The following SPOCK3 variants were observed in gnomAD, a reference collection of about 807,000 sequenced individuals.
SPOCK3 encodes testican-3.
A neutral mutation model predicts 56.6 loss-of-function variants in SPOCK3; 30 were observed. That is an observed-to-expected ratio of 0.53 (90% CI 0.40 to 0.72). SPOCK3 has a LOEUF of 0.72. Among genes scored for constraint, SPOCK3 ranks in the 30% least tolerant of loss-of-function variants. The pLI is 0.00. For missense variants in SPOCK3, 527 were observed against 530.0 expected (o/e 0.99, Z 0.06); for synonymous variants, 196 against 183.3 (o/e 1.07, Z -0.56).
At chr4:167,156,702 C>G (rs1184606126) in intron 2 of SPOCK3, among the ~76,000 whole-genome samples, 1 of 152,104 alleles carries the variant, frequency 6.6e-6, no homozygotes, top group Non-Finnish European at 1.5e-5. Context: ...TTATGTAAAA[C>G]AGCCTCTTCA....
chr4:166,989,736 T>C (rs575639813), intron 4 of SPOCK3, among the ~76,000 whole-genome samples: 5 of 152,144 alleles, frequency 3.3e-5, no homozygotes, highest in Non-Finnish European at 7.4e-5. Context: ...GTTTTTTTGG[T>C]AGTAAATTTC....
Position 166,869,690 on chromosome 4 carries a change from A to G in SPOCK3, c.589+19440T>C, listed in dbSNP as rs1416896467. On this transcript the variant is annotated intron_variant, in intron 6 of 10. Transcript: ENST00000357545. ...ACCTCCAACATGTAAGGAGCTTCAA[A>G]GTCATTCCCATACTTATACTAAGAA... 4.0e-5 allele frequency among the ~76,000 whole-genome samples: 6 copies of G among 151,640 alleles called. No homozygotes were observed. The South Asian group carries it at 1.2e-3, about 32-fold the overall frequency.
intron 2 of SPOCK3, among the ~76,000 whole-genome samples, chr4:167,213,214 T>A (rs1735046200): frequency 6.6e-6 from 1 of 152,236 alleles, no homozygotes; most frequent in African/African-American, 2.4e-5. Context: ...AAAATCAACT[T>A]AATGTTTTAT....
chr4:166,802,163 T>C (rs1325047935), intron 6 of SPOCK3, among the ~76,000 whole-genome samples: 1 of 151,762 alleles, frequency 6.6e-6, no homozygotes, highest in Non-Finnish European at 1.5e-5. Flanking sequence ...TAAGCAAACA[T>C]TTTCTGCCTA....
intron 2 of SPOCK3, among the ~76,000 whole-genome samples, chr4:167,104,198 A>C (rs957576864): frequency 1.3e-5 from 2 of 152,194 alleles, no homozygotes; most frequent in Non-Finnish European, 2.9e-5. Flanking sequence ...ACAGCCATCA[A>C]GACCATCCAG....
At chr4:166,840,965 C>G (rs2124453) in intron 6 of SPOCK3, among the ~76,000 whole-genome samples, 3 of 151,048 alleles carry the variant, frequency 2.0e-5, no homozygotes, top group Middle Eastern at 3.2e-3. Context: ...TTTTTCGTAG[C>G]GACGGGGTTT....
At chr4:166,880,358 C>G (rs1560966325) in intron 6 of SPOCK3, among the ~76,000 whole-genome samples, 1 of 152,270 alleles carries the variant, frequency 6.6e-6, no homozygotes, top group East Asian at 1.9e-4. Flanking sequence ...AAGTCCTCCA[C>G]AGATTCTTCT....
At chr4:167,065,051 A>AAAG (rs1554029896) in intron 2 of SPOCK3, among the ~76,000 whole-genome samples, 1 of 150,354 alleles carries the variant, frequency 6.7e-6, no homozygotes, top group Non-Finnish European at 1.5e-5. Flanking sequence ...AAAAAAAAAA[A>AAAG]AAAAAAAAAG....
chr4:166,809,000 G>C (rs1743483261), intron 6 of SPOCK3, among the ~76,000 whole-genome samples: 1 of 151,952 alleles, frequency 6.6e-6, no homozygotes, highest in Admixed American at 6.6e-5. Context: ...ATATAAATTT[G>C]CTTCTTACAC....
At chr4:167,030,093 C>CAATT (rs1752120199) in intron 3 of SPOCK3, among the ~76,000 whole-genome samples, 1 of 148,826 alleles carries the variant, frequency 6.7e-6, no homozygotes, top group African/African-American at 2.6e-5. Flanking sequence ...TTCTATCTAT[C>CAATT]TATCTATCTA....
At chr4:166,867,946 T>C (rs920887759) in intron 6 of SPOCK3, among the ~76,000 whole-genome samples, 14 of 152,072 alleles carry the variant, frequency 9.2e-5, no homozygotes, top group Middle Eastern at 3.4e-3. Context: ...ATAGTATATG[T>C]ATATGGTACA....
At chr4:166,912,118 T>C (rs961048199) in intron 5 of SPOCK3, among the ~76,000 whole-genome samples, 2 of 152,130 alleles carry the variant, frequency 1.3e-5, no homozygotes, top group East Asian at 1.9e-4. Flanking sequence ...AGCAAAGGCA[T>C]TGAATCAGAG....
At chr4:166,931,751 T>C (rs1334977101) in intron 4 of SPOCK3, among the ~76,000 whole-genome samples, 1 of 152,248 alleles carries the variant, frequency 6.6e-6, no homozygotes, top group Non-Finnish European at 1.5e-5. Context: ...TTATGTTTTC[T>C]AATTCTGATT....
At chr4:166,972,212 G>T (rs1745467827) in intron 4 of SPOCK3, among the ~76,000 whole-genome samples, 1 of 152,124 alleles carries the variant, frequency 6.6e-6, no homozygotes, top group Admixed American at 6.6e-5. Context: ...CTCAGCGAAA[G>T]AGAAAGCCTT....
At chr4:166,782,956 G>T (rs558888304) in intron 7 of SPOCK3, among the ~76,000 whole-genome samples, 3 of 152,302 alleles carry the variant, frequency 2.0e-5, no homozygotes, top group Admixed American at 6.5e-5. Context: ...GTGTTAAAAG[G>T]TTAAAATAAA....
intron 2 of SPOCK3, among the ~76,000 whole-genome samples, chr4:167,205,995 T>G (rs950681089): frequency 6.6e-6 from 1 of 152,096 alleles, no homozygotes; most frequent in African/African-American, 2.4e-5. Context: ...AATCTTGATT[T>G]TTCAATTTAG....
chr4:166,949,554 TAACA>T (rs1361093529), intron 4 of SPOCK3, among the ~76,000 whole-genome samples: 1 of 152,192 alleles, frequency 6.6e-6, no homozygotes, highest in African/African-American at 2.4e-5. Flanking sequence ...GTTTTCCTTC[TAACA>T]GACAGGACCC....
chr4:166,815,434 C>T (rs62356762), intron 6 of SPOCK3, among the ~76,000 whole-genome samples: 1 of 152,034 alleles, frequency 6.6e-6, no homozygotes, highest in Admixed American at 6.6e-5. Flanking sequence ...TAAATTATGT[C>T]TTTCATAAAA....
chr4:167,145,991 C>A (rs1265226072), intron 2 of SPOCK3, among the ~76,000 whole-genome samples: 2 of 152,136 alleles, frequency 1.3e-5, no homozygotes, highest in African/African-American at 4.8e-5. Flanking sequence ...AGGCTAAATT[C>A]TCCAATTAAA....
Sources: gnomAD v4.1 joint callset for allele counts (sites outside exome capture counted in the v4.1 genomes callset) on GRCh38, gnomAD v4.1.1 for gene constraint, MANE v1.5 for transcripts, NCBI Gene and HGNC (gene_info 2026-07-23, HGNC 2026-07-21) for gene names.